Variants in EGF observed in about 807,000 individuals in gnomAD.
EGF encodes pro-epidermal growth factor.
Under a neutral mutation model 143.8 loss-of-function variants are expected in EGF, and 95 were observed. The ratio of observed to expected loss-of-function variants is 0.66; its 90% confidence interval spans 0.56 to 0.78. EGF has a LOEUF of 0.78. Ranked by LOEUF, EGF falls within the 30% of genes least tolerant of loss-of-function variation. EGF has a pLI of 0.00. For synonymous variants in EGF, 510 were observed against 510.5 expected, an observed-to-expected ratio of 1.00 and a Z score of 0.01; for missense variants, 1,320 against 1,470.9, an observed-to-expected ratio of 0.90 and a Z score of 1.68.
intron 21 of EGF, chr4:110,001,991 A>C: frequency 1.0e-6 from 1 of 985,476 alleles, no homozygotes; most frequent in Non-Finnish European, 1.2e-6. Context: ...AATTCTGACA[A>C]GATCAAATTA....
At chr4:109,935,193 G>A (rs190578642) in intron 1 of EGF, among the ~76,000 whole-genome samples, 53 of 152,286 alleles carry the variant, frequency 3.5e-4, no homozygotes, top group African/African-American at 1.2e-3. Context: ...CTATCCATGA[G>A]CATGGAATGT....
chr4:109,945,783 T>G (rs1742751423), intron 5 of EGF, among the ~76,000 whole-genome samples: 1 of 152,128 alleles, frequency 6.6e-6, no homozygotes, highest in Non-Finnish European at 1.5e-5. Context: ...GAGTAGCAAC[T>G]TGGGGGAAGG....
At chr4:110,006,348 A>G (rs1480779059) in intron 22 of EGF, among the ~76,000 whole-genome samples, 1 of 151,832 alleles carries the variant, frequency 6.6e-6, no homozygotes, top group Non-Finnish European at 1.5e-5. Context: ...TTTTCTCTAA[A>G]GCATGAGAAA....
At chr4:109,943,497 T>G (rs1742279140) in intron 3 of EGF, 62 bp downstream of exon 3, 8 of 1,557,132 alleles carry the variant, frequency 5.1e-6, no homozygotes, top group Non-Finnish European at 6.2e-6. Context: ...ATTGATAGAA[T>G]TATAACATTG....
intron 22 of EGF, 112 bp downstream of exon 22, chr4:110,004,734 C>T (rs1437706402): frequency 4.4e-6 from 3 of 688,364 alleles, no homozygotes; most frequent in Non-Finnish European, 6.6e-6. Context: ...TAGCTTCCAG[C>T]TGGTGTCAGT....
rs11098055 is a variant in EGF at position 109,943,675 on chromosome 4, G to A, written c.510-167G>A. 0.013 allele frequency among the ~76,000 whole-genome samples: 1,968 copies of A among 152,254 alleles called. 196 individuals carry two copies. The East Asian group carries it at 0.23, about 18-fold the overall frequency. Reference sequence around the variant, plus strand: ...AGAGGCATAATTCCCTTTCTAACTTGAAATCACTTGTAATGTCTACAATAG... The same window carrying A: ...AGAGGCATAATTCCCTTTCTAACTTAAAATCACTTGTAATGTCTACAATAG... On this transcript the variant is annotated intron_variant, in intron 3 of 23. Transcript: ENST00000265171.
intron 1 of EGF, among the ~76,000 whole-genome samples, chr4:109,918,528 G>A (rs2125927237): frequency 6.6e-6 from 1 of 152,160 alleles, no homozygotes; most frequent in African/African-American, 2.4e-5. Flanking sequence ...CCTCTGTCTT[G>A]GAAGATGCTG....
chr4:109,943,578 G>A, intron 3 of EGF, 143 bp downstream of exon 3: 4 of 912,380 alleles, frequency 4.4e-6, no homozygotes, highest in Non-Finnish European at 6.8e-6. Flanking sequence ...TTTTCTATAG[G>A]ACAGTTGCCT....
intron 1 of EGF, among the ~76,000 whole-genome samples, chr4:109,919,112 A>G (rs1737223138): frequency 6.6e-6 from 1 of 152,242 alleles, no homozygotes; most frequent in African/African-American, 2.4e-5. Flanking sequence ...ACTATTAAAT[A>G]GTGAGCTGAT....
Position 110,008,240 on chromosome 4 carries a change from T to TA in EGF, c.3370+11dup, listed in dbSNP as rs1320127150. The TA allele has an allele frequency of 1.4e-5, 22 of 1,613,858 alleles. No individual in the cohort carries two copies. The Admixed American group carries it at 3.7e-4, about 27-fold the overall frequency. On this transcript the variant is annotated intron_variant, in intron 23 of 23. Transcript: ENST00000265171. ...GGCCAGGCAGCAGATGGTCAGTTTT[T>TA]ATCCCTGGCTCCTGGTGAATGGTTA...
chr4:109,987,720 G>A (rs1169774487), intron 16 of EGF, 24 bp from the exon 17 acceptor site: 1 of 1,580,306 alleles, frequency 6.3e-7, no homozygotes, highest in Non-Finnish European at 8.7e-7. Flanking sequence ...AGAAATAACT[G>A]CACGGGATTC....
chr4:110,006,128 A>G (rs1753252079), intron 22 of EGF, among the ~76,000 whole-genome samples: 1 of 152,172 alleles, frequency 6.6e-6, no homozygotes, highest in Admixed American at 6.5e-5. Context: ...GCTTGAGGCC[A>G]GGAGCTTGGG....
chr4:109,966,187 A>T (rs1342408516), intron 10 of EGF, among the ~76,000 whole-genome samples: 1 of 151,856 alleles, frequency 6.6e-6, no homozygotes, highest in African/African-American at 2.4e-5. Flanking sequence ...GTAGTATTTC[A>T]CCTGTTACCC....
At chr4:109,933,886 T>A (rs1190106833) in intron 1 of EGF, among the ~76,000 whole-genome samples, 1 of 152,202 alleles carries the variant, frequency 6.6e-6, no homozygotes, top group Non-Finnish European at 1.5e-5. Context: ...TAAACATATG[T>A]GTGCATATGT....
Position 109,913,225 on chromosome 4 carries a change from G to A in EGF, c.-111G>A. ...GGAGAGTAAAAGATGCCCCAGGGCT[G>A]AGGCCTCCGCTCAGGCAGCCGCATC... On this transcript the variant is annotated 5_prime_UTR_variant, in exon 1 of 24. It removes the in-frame stop codon of an upstream open reading frame in the 5' UTR. Coordinates refer to ENST00000265171, the MANE Select transcript of EGF (RefSeq NM_001963.6). The A allele has an allele frequency of 7.2e-7, 1 of 1,383,398 alleles. No homozygotes were observed. Among genetic ancestry groups the A allele is most frequent in the Non-Finnish European group, 1.0e-6 (1 of 980,472 alleles). 85.7% of individuals were successfully genotyped at this position (1,383,398 alleles called of 1,614,324 possible).
At position 110,013,029 on chromosome 4, in the gene EGF, G is replaced by A. The variant is rs148463289; in HGVS notation, c.*1574G>A. Among the ~76,000 whole-genome samples, 598 of 152,206 alleles carry A rather than the reference G, an allele frequency of 3.9e-3. 4 individuals carry two copies. The highest frequency in any genetic ancestry group is 0.014 in the African/African-American group (570 of 41,534). On this transcript the variant is annotated 3_prime_UTR_variant, in exon 24 of 24. Coordinates refer to ENST00000265171, the MANE Select transcript of EGF (RefSeq NM_001963.6). ...TTTGGTGATGGGAGGATGACTTGAG[G>A]TTTGTGGATATTAGTTAATTATTCA... is the stretch of plus-strand genomic sequence containing the variant.
At chr4:109,919,318 T>A (rs938786736) in intron 1 of EGF, among the ~76,000 whole-genome samples, 1 of 114,612 alleles carries the variant, frequency 8.7e-6, no homozygotes, top group Non-Finnish European at 1.7e-5. Context: ...TCTCTCTCTC[T>A]CTCTCTCTCT....
At chr4:109,984,856 A>G (rs996716582) in intron 16 of EGF, among the ~76,000 whole-genome samples, 2 of 152,340 alleles carry the variant, frequency 1.3e-5, no homozygotes, top group African/African-American at 4.8e-5. Context: ...CTTCATTAAC[A>G]TTAGGAATAT....
intron 5 of EGF, among the ~76,000 whole-genome samples, chr4:109,947,542 A>T (rs1278039977): frequency 6.6e-6 from 1 of 152,230 alleles, no homozygotes; most frequent in African/African-American, 2.4e-5. Flanking sequence ...TATAAAGTAG[A>T]TGGGTGAACC....
Sources: allele counts gnomAD v4.1 joint callset (sites outside exome capture counted in the v4.1 genomes callset), GRCh38; gene constraint gnomAD v4.1.1; transcripts MANE v1.5; gene names NCBI Gene and HGNC (gene_info 2026-07-23, HGNC 2026-07-21).